Variants in ADAMTS6 observed in about 807,000 individuals in gnomAD.
ADAMTS6 encodes ADAM metallopeptidase with thrombospondin type 1 motif 6, also known as A disintegrin and metalloproteinase with thrombospondin motifs 6.
A neutral mutation model predicts 144.3 loss-of-function variants in ADAMTS6; 23 were observed. The ratio of observed to expected loss-of-function variants is 0.16; its 90% confidence interval spans 0.11 to 0.23. ADAMTS6 has a LOEUF of 0.23. ADAMTS6 is among the 10% of genes least tolerant of loss of function. The pLI is 1.00. For missense variants in ADAMTS6, 999 were observed against 1,379.6 expected (o/e 0.72, Z 4.37); for synonymous variants, 444 against 457.5 (o/e 0.97, Z 0.38).
At chr5:65,388,767 C>A (rs551017533) in intron 7 of ADAMTS6, among the ~76,000 whole-genome samples, 3 of 152,228 alleles carry the variant, frequency 2.0e-5, no homozygotes, top group East Asian at 1.9e-4. Flanking sequence ...AGTGTCAGTG[C>A]CTGCTTTGGC....
chr5:65,476,070 C>A (rs562761578), intron 1 of ADAMTS6, among the ~76,000 whole-genome samples: 12 of 152,242 alleles, frequency 7.9e-5, no homozygotes, highest in African/African-American at 2.9e-4. Context: ...CTAGCCACAT[C>A]TTTCCCTAAT....
At chr5:65,159,464 C>T (rs1481418870) in intron 24 of ADAMTS6, among the ~76,000 whole-genome samples, 15 of 152,190 alleles carry the variant, frequency 9.9e-5, no homozygotes, top group Non-Finnish European at 2.1e-4. Context: ...CCCACCGCAG[C>T]GATAGCAAAC....
In ADAMTS6 at chr5:65,237,366, C is replaced by T. The variant is rs1488586580; in HGVS notation, c.1933+4738G>A. On this transcript the variant is annotated intron_variant, in intron 15 of 24. Transcript: ENST00000381055. ...TTGGGCCACTGCAGTGCAGCCTGGG[C>T]GACAGAGGGAGACCTTGTCTCAAAA... Among the ~76,000 whole-genome samples, 19 of 136,444 alleles carry T rather than the reference C, an allele frequency of 1.4e-4. No homozygotes were observed. In the South Asian group the frequency reaches 2.3e-3, roughly 16 times the overall value. The allele number at this position is 136,444 out of a possible 152,430, so 89.5% of individuals were successfully genotyped here.
At chr5:65,480,138 C>T (rs552866102) in intron 1 of ADAMTS6, among the ~76,000 whole-genome samples, 1 of 152,108 alleles carries the variant, frequency 6.6e-6, no homozygotes, top group African/African-American at 2.4e-5. Context: ...ATCCCCACAT[C>T]TAAACATTTC....
intron 9 of ADAMTS6, among the ~76,000 whole-genome samples, chr5:65,329,118 AG>A (rs1251166789): frequency 1.3e-5 from 2 of 152,166 alleles, no homozygotes; most frequent in Non-Finnish European, 2.9e-5. Context: ...ATAAGGAAAC[AG>A]GTATTGAGGA....
chr5:65,335,584 T>G (rs1747225405), intron 7 of ADAMTS6, among the ~76,000 whole-genome samples: 1 of 152,164 alleles, frequency 6.6e-6, no homozygotes. Flanking sequence ...AGTTCCACAG[T>G]GCCCTTCCTA....
intron 15 of ADAMTS6, among the ~76,000 whole-genome samples, chr5:65,230,727 AAT>A (rs1322176759): frequency 5.1e-4 from 49 of 96,942 alleles, no homozygotes; most frequent in African/African-American, 1.5e-3. Flanking sequence ...ATATGTATGA[AAT>A]ATATATATAA....
At position 65,342,137 on chromosome 5, in the gene ADAMTS6, A is replaced by G. The variant is rs377221560; in HGVS notation, c.1074-8052T>C. ...CAGAAAAAGCATTTGATAAAATTCA[A>G]TATTGTTTAATGATAAAAACTCTTA... On this transcript the variant is annotated intron_variant, in intron 7 of 24. Transcript: ENST00000381055. Among the ~76,000 whole-genome samples, 8 of 152,314 alleles carry G rather than the reference A, an allele frequency of 5.3e-5. No individual in the cohort carries two copies. In the South Asian group the frequency reaches 8.3e-4, roughly 16 times the overall value.
rs372921723 is a variant in ADAMTS6 at position 65,181,335 on chromosome 5, C to T, written c.2910+6681G>A. On this transcript the variant is annotated intron_variant, in intron 22 of 24. Transcript: ENST00000381055. ...TTGTTCCACTTGTTTTAATCCTCTTCGCTTCATGCCAAGTCTCCTCCACTG... is the reference window on the plus strand; with the variant it reads ...TTGTTCCACTTGTTTTAATCCTCTTTGCTTCATGCCAAGTCTCCTCCACTG... 1.6e-3 allele frequency among the ~76,000 whole-genome samples: 243 copies of T among 152,292 alleles called. 2 individuals are homozygous for T. In the South Asian group the frequency reaches 0.018, roughly 11 times the overall value.
chr5:65,355,955 C>G (rs1749281384), intron 7 of ADAMTS6, among the ~76,000 whole-genome samples: 1 of 151,686 alleles, frequency 6.6e-6, no homozygotes, highest in South Asian at 2.1e-4. Flanking sequence ...TTCCTGTTAT[C>G]CCCTAATTTT....
chr5:65,323,946 C>T (rs1241749374), intron 9 of ADAMTS6, among the ~76,000 whole-genome samples: 1 of 152,084 alleles, frequency 6.6e-6, no homozygotes, highest in Non-Finnish European at 1.5e-5. Context: ...ATATCCTTTG[C>T]CCACTTTTTG....
At chr5:65,253,515 A>G (rs1760369393) in intron 14 of ADAMTS6, among the ~76,000 whole-genome samples, 1 of 152,192 alleles carries the variant, frequency 6.6e-6, no homozygotes, top group Admixed American at 6.5e-5. Context: ...AATCTTATTT[A>G]TAAGACCATT....
At chr5:65,312,347 T>C (rs1231479224) in intron 9 of ADAMTS6, among the ~76,000 whole-genome samples, 2 of 151,996 alleles carry the variant, frequency 1.3e-5, no homozygotes, top group African/African-American at 4.8e-5. Context: ...GAACTGTTCT[T>C]ATACATAACT....
intron 22 of ADAMTS6, among the ~76,000 whole-genome samples, chr5:65,179,563 T>C (rs1754205354): frequency 6.6e-6 from 1 of 152,200 alleles, no homozygotes; most frequent in African/African-American, 2.4e-5. Flanking sequence ...GGAAAGAGGC[T>C]ATATGGCAGA....
At chr5:65,322,816 C>A (rs1745755736) in intron 9 of ADAMTS6, among the ~76,000 whole-genome samples, 1 of 152,100 alleles carries the variant, frequency 6.6e-6, no homozygotes, top group African/African-American at 2.4e-5. Flanking sequence ...AGGATCATGT[C>A]ATCTGCAAAC....
chr5:65,280,526 A>C (rs900888300), intron 11 of ADAMTS6, among the ~76,000 whole-genome samples: 5 of 152,128 alleles, frequency 3.3e-5, no homozygotes, highest in African/African-American at 1.2e-4. Context: ...TATATCTTTA[A>C]ATATGAGAAA....
rs535606484 is a variant in ADAMTS6 at position 65,428,983 on chromosome 5, G to A, written c.1073+22492C>T. 9.2e-5 allele frequency among the ~76,000 whole-genome samples: 14 copies of A among 152,240 alleles called. No individual in the cohort carries two copies. In the South Asian group the frequency reaches 1.5e-3, roughly 16 times the overall value. On this transcript the variant is annotated intron_variant, in intron 7 of 24. Transcript: ENST00000381055. Reference sequence around the variant, plus strand: ...ATGCTATCCCAAAATACAGTACCTAGGCACACTGAGTATTTTTACTTGAAG... The same window carrying A: ...ATGCTATCCCAAAATACAGTACCTAAGCACACTGAGTATTTTTACTTGAAG...
At chr5:65,457,735 TTC>T (rs1759321216) in intron 4 of ADAMTS6, among the ~76,000 whole-genome samples, 1 of 114,904 alleles carries the variant, frequency 8.7e-6, no homozygotes, top group South Asian at 2.6e-4. Flanking sequence ...CCTAGTTTTT[TTC>T]TTTCTTTCTT....
At chr5:65,418,582 C>T (rs997929054) in intron 7 of ADAMTS6, among the ~76,000 whole-genome samples, 64 of 151,774 alleles carry the variant, frequency 4.2e-4, no homozygotes, top group African/African-American at 9.9e-4. Context: ...TTTTTTTAAA[C>T]GCAGTACAAT....
Sources: allele counts gnomAD v4.1 joint callset (sites outside exome capture counted in the v4.1 genomes callset), GRCh38; gene constraint gnomAD v4.1.1; transcripts MANE v1.5; gene names NCBI Gene and HGNC (gene_info 2026-07-23, HGNC 2026-07-21).